B3GAT1: variants seen among roughly 807,000 people sequenced by gnomAD.
B3GAT1 encodes the protein galactosylgalactosylxylosylprotein 3-beta-glucuronosyltransferase 1.
Under a neutral mutation model 28.4 loss-of-function variants are expected in B3GAT1, and 11 were observed. The ratio of observed to expected loss-of-function variants is 0.39; its 90% CI spans 0.24 to 0.64. The LOEUF is 0.64. Ranked by LOEUF, B3GAT1 falls within the 30% of genes least tolerant of loss-of-function variation. The probability of loss-of-function intolerance (pLI) is 0.50; values close to 1 mark genes in which losing one functional copy is unlikely to be tolerated. For synonymous variants in B3GAT1, 255 were observed against 223.1 expected (o/e 1.14, Z -1.27); for missense variants, 375 against 491.0 (o/e 0.76, Z 2.23).
Position 134,411,032 on chromosome 11 carries a change from C to T in B3GAT1, c.-282+775G>A, listed in dbSNP as rs1944842939. On this transcript the variant is annotated intron_variant, in intron 1 of 5. Coordinates refer to ENST00000312527, the MANE Select transcript of B3GAT1 (RefSeq NM_054025.3). The surrounding 1 kb of genome is among the most constrained non-coding windows in gnomAD (Gnocchi z 6.0). ...AAGGGGACAGGGAAGTTGGCCAAGGCTCCCATGTGTGTGCATGTGGGGGTG... is the reference window on the plus strand; with the variant it reads ...AAGGGGACAGGGAAGTTGGCCAAGGTTCCCATGTGTGTGCATGTGGGGGTG... 6.6e-6 allele frequency among the ~76,000 whole-genome samples: 1 copy of T among 152,226 alleles called. No homozygotes were observed. Among genetic ancestry groups the T allele is most frequent in the Admixed American group, 6.5e-5 (1 of 15,282 alleles).
At chr11:134,385,409 T>TA (rs1369889090) in intron 2 of B3GAT1, 1 of 152,358 alleles carries the variant, frequency 6.6e-6, no homozygotes, top group East Asian at 1.9e-4. Flanking sequence ...CTCGTGGCTC[T>TA]TCAGGAGTTC....
In B3GAT1 at chr11:134,384,100, C is replaced by T. The variant is rs763229418; in HGVS notation, c.201G>A (p.Val67=). The T allele has an allele frequency of 4.4e-6, 7 of 1,591,570 alleles. No homozygotes were observed. The highest frequency in any genetic ancestry group is 3.3e-5 in the South Asian group (3 of 90,658). ...CTSDRDIVEV[V]RTEYVYTRPP... is the part of the protein sequence containing the mutation. ...GCCGCGTGTACACGTACTCGGTGCG[C>T]ACCACCTCCACGATGTCGCGGTCAG... is the stretch of plus-strand genomic sequence containing the variant. The change falls in exon 3 of 6, where the codon GTG becomes GTA. Residue 67 remains valine (V), a synonymous_variant. Transcript: ENST00000312527.
At chr11:134,385,387 C>G (rs898524603) in intron 2 of B3GAT1, 1 of 152,268 alleles carries the variant, frequency 6.6e-6, no homozygotes, top group Non-Finnish European at 1.5e-5. Flanking sequence ...CTGAACGGAC[C>G]CAGGAGGCCT....
intron 1 of B3GAT1, among the ~76,000 whole-genome samples, chr11:134,407,434 G>A (rs1330905965): frequency 6.6e-6 from 1 of 152,238 alleles, no homozygotes; most frequent in African/African-American, 2.4e-5. Context: ...CCTGTGAGCA[G>A]AGAGCTGGCT....
intron 1 of B3GAT1, among the ~76,000 whole-genome samples, chr11:134,397,121 C>T (rs1487109217): frequency 1.3e-5 from 2 of 152,204 alleles, no homozygotes; most frequent in South Asian, 2.1e-4. Context: ...CCTGCATCAG[C>T]GGGGCCTCAG....
rs747298235 is a variant in B3GAT1, at chr11:134,383,899, C to G, written c.402G>C (p.Leu134=). 3 of 1,596,004 alleles carry G rather than the reference C, an allele frequency of 1.9e-6. No homozygotes were observed. The change falls in exon 3 of 6, where the codon CTG becomes CTC. Residue 134 remains leucine (L), a synonymous_variant. Coordinates refer to ENST00000312527, the MANE Select transcript of B3GAT1 (RefSeq NM_054025.3). ...PRRTPLTARL[L]RDTGLNYTHL... is the part of the protein sequence containing the mutation. ...GCGTGTAGTTGAGGCCGGTGTCGCG[C>G]AGCAGGCGCGCGGTCAGCGGCGTCC...
At position 134,393,879 on chromosome 11, in the gene B3GAT1, G is replaced by C. The variant is rs1451012059; in HGVS notation, c.-281-5939C>G. Among the ~76,000 whole-genome samples the C allele has an allele frequency of 6.6e-6, 1 of 152,210 alleles. No homozygotes were observed. Among genetic ancestry groups the C allele is most frequent in the African/African-American group, 2.4e-5 (1 of 41,456 alleles). On this transcript the variant is annotated intron_variant, in intron 1 of 5. Transcript: ENST00000312527. The surrounding 1 kb of genome is among the most constrained non-coding windows in gnomAD (Gnocchi z 4.0). ...ACCCAGGAACCCCAGTGCCCCCAAA[G>C]AGAGGGAGGGACAGGCTTTGTCCCA...
intron 5 of B3GAT1, among the ~76,000 whole-genome samples, chr11:134,381,240 ATT>A (rs1390089094): frequency 1.3e-5 from 2 of 152,118 alleles, no homozygotes; most frequent in Non-Finnish European, 2.9e-5. Flanking sequence ...TCTCAACATC[ATT>A]TCTTTGCTTC....
In B3GAT1 at chr11:134,379,231, C is replaced by G. The variant is rs1490036070; in HGVS notation, c.*1531G>C. ...TTAGGTCTCTGGACTGAGTCCCACC[C>G]ACCCACCCACTCAGGAGTGGGTTCT... On this transcript the variant is annotated 3_prime_UTR_variant, in exon 6 of 6. Transcript: ENST00000312527. 1 of 152,126 alleles carries G rather than the reference C, an allele frequency of 6.6e-6. No homozygotes were observed. Among genetic ancestry groups the G allele is most frequent in the Non-Finnish European group, 1.5e-5 (1 of 68,028 alleles). 9.4% of individuals were successfully genotyped at this position (152,126 alleles called of 1,614,324 possible). A position where few individuals can be genotyped will look rare whatever the true frequency, so the allele number is the denominator to read the frequency against.
At chr11:134,386,422 A>AC (rs199646677) in intron 2 of B3GAT1, 1 of 43,062 alleles carries the variant, frequency 2.3e-5, no homozygotes, top group Admixed American at 2.8e-4. Context: ...AGGGGGCAGA[A>AC]AAGCACGAGA....
chr11:134,381,465 G>A (rs183125333), intron 5 of B3GAT1, among the ~76,000 whole-genome samples: 166 of 152,324 alleles, frequency 1.1e-3, no homozygotes, highest in Admixed American at 9.8e-4. Flanking sequence ...CTCTGGGTCC[G>A]TGCTGTCACT....
intron 3 of B3GAT1, 73 bp from the exon 4 acceptor site, chr11:134,383,079 G>C (rs1422484101): frequency 2.8e-6 from 4 of 1,445,370 alleles, no homozygotes; most frequent in Non-Finnish European, 3.7e-6. Flanking sequence ...CAAGGGAGGC[G>C]ACATCCTTCA....
rs571031813 is a variant in B3GAT1, at chr11:134,393,973, G to A, written c.-281-6033C>T. The stretch of plus-strand genomic sequence containing the variant: ...ATTCTGCAGGCGCTGCTCAGGAAAC[G>A]CCTGATGCCACAGCTAATCAGCTCC... On this transcript the variant is annotated intron_variant, in intron 1 of 5. Coordinates refer to ENST00000312527, the MANE Select transcript of B3GAT1 (RefSeq NM_054025.3). This position sits in a 1 kb window ranked among gnomAD's most constrained non-coding sequence, Gnocchi z 4.0. 1.3e-5 allele frequency among the ~76,000 whole-genome samples: 2 copies of A among 152,268 alleles called. No individual in the cohort carries two copies. The highest frequency in any genetic ancestry group is 1.9e-4 in the East Asian group (1 of 5,164).
intron 2 of B3GAT1, 43 bp from the exon 3 acceptor site, chr11:134,384,231 C>T: frequency 6.6e-7 from 1 of 1,509,846 alleles, no homozygotes; most frequent in Non-Finnish European, 8.8e-7. Context: ...AGAGCGCCGG[C>T]TACGGCCCTG....
At chr11:134,401,665 A>C (rs1392647758) in intron 1 of B3GAT1, among the ~76,000 whole-genome samples, 1 of 152,178 alleles carries the variant, frequency 6.6e-6, no homozygotes, top group East Asian at 1.9e-4. Context: ...TTATGCCTCA[A>C]ATCTCAGCAT....
At chr11:134,409,547 G>A (rs11223790) in intron 1 of B3GAT1, among the ~76,000 whole-genome samples, 2,938 of 152,258 alleles carry the variant, frequency 0.019, 35 homozygotes, top group Non-Finnish European at 0.027. Context: ...TCTGCCTTTG[G>A]GCTTCTGTCT....
intron 1 of B3GAT1, among the ~76,000 whole-genome samples, chr11:134,399,734 G>A (rs1944574765): frequency 6.6e-6 from 1 of 152,212 alleles, no homozygotes; most frequent in Non-Finnish European, 1.5e-5. Flanking sequence ...TGCTTGGGAT[G>A]CTGAGTGCCG....
chr11:134,384,392 T>C (rs1220419039), intron 2 of B3GAT1: 4 of 629,244 alleles, frequency 6.4e-6, no homozygotes, highest in Non-Finnish European at 1.1e-5. Context: ...CTAGCTCTGA[T>C]GACACAGACA....
intron 2 of B3GAT1, chr11:134,386,913 G>A (rs1313765111): frequency 6.5e-6 from 1 of 153,250 alleles, no homozygotes; most frequent in Non-Finnish European, 1.5e-5. Context: ...CCTAGTGACA[G>A]TACACACCTT....
Sources: gnomAD v4.1 joint callset for allele counts (sites outside exome capture counted in the v4.1 genomes callset) on GRCh38, gnomAD v4.1.1 for gene constraint, Gnocchi (gnomAD v3.1) non-coding constraint, MANE v1.5 for transcripts, NCBI Gene and HGNC (gene_info 2026-07-23, HGNC 2026-07-21) for gene names.